Variants in RHCE observed in about 807,000 individuals in gnomAD.
RHCE encodes the protein blood group Rh(CE) polypeptide.
A neutral mutation model predicts 43.8 loss-of-function variants in RHCE; 22 were observed. That is an observed-to-expected ratio of 0.50 (90% CI 0.36 to 0.72). The LOEUF (loss-of-function observed/expected upper bound fraction) is 0.72. Among genes scored for constraint, RHCE ranks in the 30% least tolerant of loss-of-function variants. RHCE has a pLI of 0.00. For missense variants in RHCE, 385 were observed against 525.4 expected (o/e 0.73, Z 2.61); for synonymous variants, 156 against 210.7 (o/e 0.74, Z 2.25).
Position 25,412,715 on chromosome 1 carries a change from TAAAAAAAAAAAAA to T in RHCE, c.149-3859_149-3847del, listed in dbSNP as rs1165784820. On this transcript the variant is annotated intron_variant, in intron 1 of 9. Coordinates refer to ENST00000294413, the MANE Select transcript of RHCE (RefSeq NM_020485.8). ...AGGCGACAGAGGGAGACCCTTTTTTTAAAAAAAAAAAAAAAAAAAAAAAAAAAGGCCGGGCACA... is the reference window on the plus strand; with the variant it reads ...AGGCGACAGAGGGAGACCCTTTTTTTAAAAAAAAAAAAAAGGCCGGGCACA... Among the ~76,000 whole-genome samples the T allele has an allele frequency of 1.0e-4, 12 of 116,590 alleles. No individual in the cohort carries two copies. In the South Asian group the frequency reaches 3.6e-3, roughly 35 times the overall value. 76.5% of individuals were successfully genotyped at this position (116,590 alleles called of 152,430 possible).
chr1:25,389,135 G>A (rs762966811), intron 5 of RHCE, 22 bp from the exon 6 acceptor site: 1 of 1,612,682 alleles, frequency 6.2e-7, no homozygotes, highest in Admixed American at 1.7e-5. Context: ...TAGCGTGTGG[G>A]TAAAGGAAGC....
At chr1:25,424,640 G>A (rs1359829697), upstream of RHCE, among the ~76,000 whole-genome samples, 2 of 151,824 alleles carry the variant, frequency 1.3e-5, no homozygotes, top group African/African-American at 4.8e-5. Context: ...CACCTGCCTC[G>A]AACTCCCAAA....
chr1:25,379,483 ATATATATATATATTTTTTTTTTTTTT>A lies in RHCE; in HGVS notation c.1074-4081_1074-4056del, dbSNP rs1327330005. ...TATATATATATATATATATATATAT[ATATATATATATATTTTTTTTTTTTTT>A]TTTTTTTTTTTTAAAGATGGGATTT... is the stretch of plus-strand genomic sequence containing the variant. On this transcript the variant is annotated intron_variant, in intron 7 of 9. Coordinates refer to ENST00000294413, the MANE Select transcript of RHCE (RefSeq NM_020485.8). 2.9e-3 allele frequency among the ~76,000 whole-genome samples: 56 copies of A among 19,450 alleles called. 2 individuals are homozygous for A. Among genetic ancestry groups the A allele is most frequent in the African/African-American group, 0.012 (32 of 2,740 alleles). 12.8% of individuals were successfully genotyped at this position (19,450 alleles called of 152,430 possible).
At chr1:25,421,376 A>G (rs1053636565), upstream of RHCE, among the ~76,000 whole-genome samples, 1 of 152,226 alleles carries the variant, frequency 6.6e-6, no homozygotes, top group Non-Finnish European at 1.5e-5. Flanking sequence ...AATTACTTAC[A>G]TTTGAACTTG....
intron 1 of RHCE, among the ~76,000 whole-genome samples, chr1:25,412,567 T>C (rs1215619689): frequency 1.3e-5 from 2 of 151,598 alleles, no homozygotes; most frequent in African/African-American, 4.8e-5. Context: ...ACAAAATTAC[T>C]TGGGCGTGGT....
intron 3 of RHCE, among the ~76,000 whole-genome samples, chr1:25,402,165 C>G (rs1466599915): frequency 6.7e-6 from 1 of 149,100 alleles, no homozygotes; most frequent in African/African-American, 2.5e-5. Flanking sequence ...GTGTGAGCCA[C>G]TGTACCCAGC....
At chr1:25,368,096 A>C (rs1645480931) in intron 9 of RHCE, among the ~76,000 whole-genome samples, 1 of 150,696 alleles carries the variant, frequency 6.6e-6, no homozygotes, top group African/African-American at 2.5e-5. Flanking sequence ...AAGTGTGTGG[A>C]AGTGATGGGT....
At chr1:25,397,121 A>T in intron 3 of RHCE, among the ~76,000 whole-genome samples, 1 of 143,396 alleles carries the variant, frequency 7.0e-6, no homozygotes, top group African/African-American at 2.9e-5. Context: ...CAAAAAAAAA[A>T]AAAAAAAAAA....
At chr1:25,428,129 T>C (rs796382385) in intron 2 of RHCE, among the ~76,000 whole-genome samples, 1 of 152,224 alleles carries the variant, frequency 6.6e-6, no homozygotes, top group South Asian at 2.1e-4. Flanking sequence ...TATTTAATAG[T>C]AGGCTAGACA....
intron 6 of RHCE, among the ~76,000 whole-genome samples, chr1:25,388,071 G>A (rs1483113057): frequency 6.6e-6 from 1 of 151,258 alleles, no homozygotes; most frequent in African/African-American, 2.4e-5. Context: ...TGCCCGCCTC[G>A]GCCTCCCAAA....
intron 7 of RHCE, chr1:25,385,480 T>C (rs2124394171): frequency 1.5e-6 from 1 of 648,196 alleles, no homozygotes; most frequent in Non-Finnish European, 2.8e-6. Flanking sequence ...GTGTCTTTGG[T>C]CTATACCTAG....
chr1:25,371,215 C>T (rs12835), intron 8 of RHCE, among the ~76,000 whole-genome samples: 1,678 of 151,130 alleles, frequency 0.011, 83 homozygotes, highest in African/African-American at 0.039. Flanking sequence ...CTATGGAGGG[C>T]GACTCCAGTT....
intron 9 of RHCE, 45 bp from the exon 10 acceptor site, chr1:25,362,598 A>G: frequency 7.3e-7 from 1 of 1,377,290 alleles, no homozygotes; most frequent in Non-Finnish European, 1.0e-6. Context: ...GAACCCACAT[A>G]CTGATTTTGG....
intron 6 of RHCE, among the ~76,000 whole-genome samples, chr1:25,386,799 G>A (rs1375573303): frequency 6.6e-6 from 1 of 151,330 alleles, no homozygotes; most frequent in African/African-American, 2.4e-5. Context: ...TCCAGCCTGG[G>A]CAAAAGAGCG....
At chr1:25,423,878 G>GA (rs1459023094), upstream of RHCE, among the ~76,000 whole-genome samples, 1 of 152,080 alleles carries the variant, frequency 6.6e-6, no homozygotes, top group Non-Finnish European at 1.5e-5. Context: ...AAAATGCTGG[G>GA]AAAAAAGCAC....
chr1:25,374,440 G>T (rs1192268810), intron 8 of RHCE, among the ~76,000 whole-genome samples: 1 of 151,980 alleles, frequency 6.6e-6, no homozygotes, highest in Non-Finnish European at 1.5e-5. Context: ...AACTCCCCTA[G>T]ATTTTTTGCT....
At chr1:25,404,778 G>A (rs1646863693) in intron 2 of RHCE, among the ~76,000 whole-genome samples, 1 of 151,810 alleles carries the variant, frequency 6.6e-6, no homozygotes, top group South Asian at 2.1e-4. Context: ...TGGACCCAAT[G>A]CCTCTGGAGC....
In RHCE at chr1:25,395,790, C is replaced by A. The variant is rs147718226; in HGVS notation, c.487-3649G>T. 2.7e-3 allele frequency among the ~76,000 whole-genome samples: 409 copies of A among 152,206 alleles called. 2 individuals are homozygous for A. The highest frequency in any genetic ancestry group is 9.6e-3 in the African/African-American group (399 of 41,530). ...AAAGCTTTTCCTTACAGGAGAATGCCAACTATTGAAGGAAAGATGGAATTA... is the reference window on the plus strand; with the variant it reads ...AAAGCTTTTCCTTACAGGAGAATGCAAACTATTGAAGGAAAGATGGAATTA... On this transcript the variant is annotated intron_variant, in intron 3 of 9. Transcript: ENST00000294413.
chr1:25,409,168 A>G lies in RHCE; in HGVS notation c.149-299T>C, dbSNP rs1646999781. 1.6e-5 allele frequency among the ~76,000 whole-genome samples: 2 copies of G among 123,418 alleles called. 1 individual carries two copies. The highest frequency in any genetic ancestry group is 1.7e-4 in the Admixed American group (2 of 11,476). The allele number at this position is 123,418 out of a possible 152,430, so 81.0% of individuals were successfully genotyped here. A position where few individuals can be genotyped will look rare whatever the true frequency, so the allele number is the denominator to read the frequency against. ...AATGTGGCAATTATTCTATTATTAA[A>G]CCTAATAATAAGAACAAGTGTAAAG... On this transcript the variant is annotated intron_variant, in intron 1 of 9. Coordinates refer to ENST00000294413, the MANE Select transcript of RHCE (RefSeq NM_020485.8).
Sources: allele counts gnomAD v4.1 joint callset (sites outside exome capture counted in the v4.1 genomes callset), GRCh38; gene constraint gnomAD v4.1.1; transcripts MANE v1.5; gene names NCBI Gene and HGNC (gene_info 2026-07-23, HGNC 2026-07-21).